Variants in TRAPPC9 observed in about 807,000 individuals in gnomAD.
TRAPPC9 encodes IKK2 binding protein.
In TRAPPC9, 83 loss-of-function variants were observed where a neutral mutation model predicts 124.0. That is an observed-to-expected ratio of 0.67 (90% CI 0.56 to 0.80). TRAPPC9 has a LOEUF of 0.80. Ranked by LOEUF, TRAPPC9 falls within the 30% of genes least tolerant of loss-of-function variation. The pLI, the probability that TRAPPC9 is intolerant of heterozygous loss-of-function variation, is 0.00. For synonymous variants in TRAPPC9, 638 were observed against 617.5 expected (o/e 1.03, Z -0.49); for missense variants, 1,302 against 1,508.3 (o/e 0.86, Z 2.27).
At chr8:139,737,418 A>T (rs1045702305) in intron 21 of TRAPPC9, among the ~76,000 whole-genome samples, 1 of 90,158 alleles carries the variant, frequency 1.1e-5, no homozygotes, top group African/African-American at 4.6e-5. Context: ...GCTCCTCACC[A>T]CCCCGCAGAG....
intron 17 of TRAPPC9, among the ~76,000 whole-genome samples, chr8:140,183,451 C>G (rs573651814): frequency 1.1e-4 from 16 of 152,306 alleles, no homozygotes; most frequent in Non-Finnish European, 2.1e-4. Context: ...TGCAGAATTC[C>G]ACCTCGATTA....
chr8:140,220,307 G>A (rs1240835593), intron 17 of TRAPPC9, among the ~76,000 whole-genome samples: 4 of 152,118 alleles, frequency 2.6e-5, no homozygotes, highest in Middle Eastern at 3.2e-3. Context: ...GCACCCTCCC[G>A]TACTTGGTAG....
At chr8:139,982,875 C>T (rs1227949002) in intron 19 of TRAPPC9, among the ~76,000 whole-genome samples, 2 of 152,188 alleles carry the variant, frequency 1.3e-5, no homozygotes, top group African/African-American at 4.8e-5. Context: ...TTCACACTTA[C>T]CACCCCACCA....
chr8:139,977,596 C>A (rs189084685), intron 19 of TRAPPC9, among the ~76,000 whole-genome samples: 2 of 135,838 alleles, frequency 1.5e-5, no homozygotes, highest in African/African-American at 2.8e-5. Flanking sequence ...CCAGCCTGGG[C>A]GACAGAGTGA....
At chr8:140,036,221 T>C (rs1840867192) in intron 17 of TRAPPC9, among the ~76,000 whole-genome samples, 2 of 113,084 alleles carry the variant, frequency 1.8e-5, no homozygotes, top group Non-Finnish European at 4.4e-5. Context: ...GAACGACTTC[T>C]TTAAAAAAAA....
chr8:140,278,376 G>T (rs763656136), intron 14 of TRAPPC9, among the ~76,000 whole-genome samples: 2 of 152,158 alleles, frequency 1.3e-5, no homozygotes, highest in Non-Finnish European at 1.5e-5. Context: ...AAAGTGCTAG[G>T]ATTACAGGAG....
rs1035660502 is a variant in TRAPPC9 at position 139,857,421 on chromosome 8, C to T, written c.3055+28458G>A. ...CCCACATCCCAACAGCAACCCAAGG[C>T]GACAGTCCCCATTTTATCTCCACTT... On this transcript the variant is annotated intron_variant, in intron 21 of 22. Transcript: ENST00000438773. Among the ~76,000 whole-genome samples, 15 of 152,294 alleles carry T rather than the reference C, an allele frequency of 9.8e-5. 1 individual carries two copies. The highest frequency in any genetic ancestry group is 3.1e-4 in the African/African-American group (13 of 41,578).
At chr8:139,839,222 T>C (rs2130878757) in intron 21 of TRAPPC9, among the ~76,000 whole-genome samples, 1 of 152,298 alleles carries the variant, frequency 6.6e-6, no homozygotes, top group African/African-American at 2.4e-5. Flanking sequence ...GCTGAGCACC[T>C]GCCACGCTAG....
chr8:140,322,594 G>A (rs2066624108), intron 9 of TRAPPC9, among the ~76,000 whole-genome samples: 1 of 152,048 alleles, frequency 6.6e-6, no homozygotes, highest in Non-Finnish European at 1.5e-5. Flanking sequence ...TCTGGAGGCT[G>A]AGGCAGGAGG....
At chr8:139,849,029 T>C (rs1292896843) in intron 21 of TRAPPC9, among the ~76,000 whole-genome samples, 1 of 152,234 alleles carries the variant, frequency 6.6e-6, no homozygotes, top group East Asian at 1.9e-4. Flanking sequence ...TGATTCTGCC[T>C]GAGAGTTACT....
At position 139,736,155 on chromosome 8, in the gene TRAPPC9, C is replaced by T. The variant is rs552447250; in HGVS notation, c.3056-3953G>A. On this transcript the variant is annotated intron_variant, in intron 21 of 22. Transcript: ENST00000438773. ...CCAGCCAGAGCGAGCACTCCTGCCA[C>T]AGGCTCTCCTGTGTGGCCAGCATTG... 3.9e-5 allele frequency among the ~76,000 whole-genome samples: 6 copies of T among 152,336 alleles called. No homozygotes were observed. In the South Asian group the frequency reaches 1.2e-3, roughly 32 times the overall value.
Position 139,962,135 on chromosome 8 carries a change from G to T in TRAPPC9, c.2810+26591C>A, listed in dbSNP as rs1835397429. Among the ~76,000 whole-genome samples, 2 of 124,292 alleles carry T rather than the reference G, an allele frequency of 1.6e-5. 1 individual carries two copies. Among genetic ancestry groups the T allele is most frequent in the Non-Finnish European group, 3.8e-5 (2 of 52,196 alleles). The allele number at this position is 124,292 out of a possible 152,430, so 81.5% of individuals were successfully genotyped here. A position where few individuals can be genotyped will look rare whatever the true frequency, so the allele number is the denominator to read the frequency against. ...TCCACTGTGGTCTCCTCTAGCTGTT[G>T]TAACACTCAATGACGCTCATCTTCA... On this transcript the variant is annotated intron_variant, in intron 19 of 22. Coordinates refer to ENST00000438773, the MANE Select transcript of TRAPPC9 (RefSeq NM_001160372.4).
chr8:140,367,879 TC>T (rs1490123825), intron 8 of TRAPPC9, among the ~76,000 whole-genome samples: 4 of 152,172 alleles, frequency 2.6e-5, no homozygotes, highest in African/African-American at 9.7e-5. Context: ...TCATGGTCCA[TC>T]TAAAGGTGTC....
intron 21 of TRAPPC9, among the ~76,000 whole-genome samples, chr8:139,839,784 C>A (rs1826609344): frequency 6.6e-6 from 1 of 152,110 alleles, no homozygotes; most frequent in Non-Finnish European, 1.5e-5. Context: ...GCAAACGGAC[C>A]ATCCAAAGGG....
At chr8:140,048,211 AC>A (rs1841746717) in intron 17 of TRAPPC9, among the ~76,000 whole-genome samples, 1 of 152,214 alleles carries the variant, frequency 6.6e-6, no homozygotes, top group Admixed American at 6.5e-5. Flanking sequence ...GCAGCCAACC[AC>A]TGTGGCTTCA....
rs969152609 is a variant in TRAPPC9 at position 140,241,365 on chromosome 8, C to T, written c.2431+11412G>A. Among the ~76,000 whole-genome samples, 1 of 152,142 alleles carries T rather than the reference C, an allele frequency of 6.6e-6. No individual in the cohort carries two copies. The highest frequency in any genetic ancestry group is 1.5e-5 in the Non-Finnish European group (1 of 68,028). On this transcript the variant is annotated intron_variant, in intron 16 of 22. Coordinates refer to ENST00000438773, the MANE Select transcript of TRAPPC9 (RefSeq NM_001160372.4). This position sits in a 1 kb window ranked among gnomAD's most constrained non-coding sequence, Gnocchi z 5.0. ...GTAGTGAGCTGAGATCACACCACTG[C>T]ACTCCAGCCTGGGAGACAGAGTGAG...
At chr8:139,937,951 T>C (rs1034888698) in intron 19 of TRAPPC9, among the ~76,000 whole-genome samples, 1 of 152,100 alleles carries the variant, frequency 6.6e-6, no homozygotes, top group Non-Finnish European at 1.5e-5. Context: ...ACCTCCTCAG[T>C]GGCCCTGAGT....
intron 21 of TRAPPC9, among the ~76,000 whole-genome samples, chr8:139,839,774 G>A (rs1246172207): frequency 6.6e-6 from 1 of 152,190 alleles, no homozygotes; most frequent in South Asian, 2.1e-4. Flanking sequence ...TCCAGGGTGA[G>A]CAAACGGACC....
At chr8:139,827,192 C>A (rs1223310866) in intron 21 of TRAPPC9, among the ~76,000 whole-genome samples, 5 of 152,238 alleles carry the variant, frequency 3.3e-5, no homozygotes, top group Non-Finnish European at 5.9e-5. Context: ...TACAGCAGGT[C>A]TCGGCCTGGA....
Sources: gnomAD v4.1 joint callset for allele counts (sites outside exome capture counted in the v4.1 genomes callset) on GRCh38, gnomAD v4.1.1 for gene constraint, Gnocchi (gnomAD v3.1) non-coding constraint, MANE v1.5 for transcripts, NCBI Gene and HGNC (gene_info 2026-07-23, HGNC 2026-07-21) for gene names.